The following ANKRD30B variants were observed in gnomAD, a reference collection of about 807,000 sequenced individuals.
ANKRD30B encodes the protein ankyrin repeat domain 30B, also known as ankyrin repeat domain-containing protein 30B.
In ANKRD30B, 144 loss-of-function variants were observed where a neutral mutation model predicts 202.2. That is an observed-to-expected ratio of 0.71 (90% CI 0.62 to 0.82). ANKRD30B has a LOEUF of 0.82. ANKRD30B is among the 40% of genes least tolerant of loss of function. The probability of loss-of-function intolerance (pLI) is 0.00; values close to 1 mark genes in which losing one functional copy is unlikely to be tolerated. For synonymous variants in ANKRD30B, 508 were observed against 561.3 expected (o/e 0.91, Z 1.34); for missense variants, 1,487 against 1,669.1 (o/e 0.89, Z 1.90).
intron 39 of ANKRD30B, among the ~76,000 whole-genome samples, chr18:14,847,093 T>TATATATATATATAG (rs1292553217): frequency 7.6e-6 from 1 of 131,408 alleles, no homozygotes; most frequent in African/African-American, 2.9e-5. Flanking sequence ...TATATATATA[T>TATATATATATATAG]GTATAATGTT....
chr18:14,815,394 C>T (rs1261887473), intron 30 of ANKRD30B, among the ~76,000 whole-genome samples: 1 of 151,698 alleles, frequency 6.6e-6, no homozygotes, highest in Non-Finnish European at 1.5e-5. Flanking sequence ...ATTCAGCCGA[C>T]TAGGGATTCT....
chr18:14,865,752 G>A, the ANKRD30B span, among the ~76,000 whole-genome samples: 10 of 151,280 alleles, frequency 6.6e-5, no homozygotes, highest in East Asian at 5.9e-4. Context: ...CTTTCCTACC[G>A]CTCCAGCCAC....
rs35573425 is a variant in ANKRD30B, at chr18:14,797,983, C to A, written c.2029+129C>A. 5.4e-3 allele frequency: 5,145 copies of A among 944,240 alleles called. 23 individuals carry two copies. Among genetic ancestry groups the A allele is most frequent in the Admixed American group, 0.01 (373 of 35,552 alleles). 58.5% of individuals were successfully genotyped at this position (944,240 alleles called of 1,614,324 possible). On this transcript the variant is annotated intron_variant, in intron 20 of 43. Transcript: ENST00000690538. ...TGGGAAAATTTGATACAAATAATGC[C>A]AATGTTAGTATTTATGTTTGAGAAA...
chr18:14,758,070 T>C (rs1914659429), intron 5 of ANKRD30B, 118 bp downstream of exon 5: 2 of 1,100,814 alleles, frequency 1.8e-6, no homozygotes, highest in Admixed American at 2.7e-5. Context: ...CCAGACTAGT[T>C]AGAAGGAGTA....
intron 26 of ANKRD30B, among the ~76,000 whole-genome samples, chr18:14,809,764 T>C (rs1242639409): frequency 6.6e-6 from 1 of 151,078 alleles, no homozygotes; most frequent in Non-Finnish European, 1.5e-5. Context: ...TGTTTTACAA[T>C]AATCAGGAGC....
chr18:14,768,734 GAC>G (rs1916640883), intron 7 of ANKRD30B, among the ~76,000 whole-genome samples: 1 of 152,168 alleles, frequency 6.6e-6, no homozygotes, highest in Admixed American at 6.6e-5. Flanking sequence ...GATAAAGAGA[GAC>G]TACTGTGTAC....
chr18:14,939,360 G>T, the ANKRD30B span, among the ~76,000 whole-genome samples: 2 of 152,192 alleles, frequency 1.3e-5, no homozygotes, highest in African/African-American at 4.8e-5. Context: ...TGATTCCCCA[G>T]TGGCTCAGGG....
At chr18:14,881,457 T>C in the ANKRD30B span, among the ~76,000 whole-genome samples, 1 of 152,196 alleles carries the variant, frequency 6.6e-6, no homozygotes, top group Non-Finnish European at 1.5e-5. Context: ...GGATTATCTT[T>C]TTGATATGTT....
chr18:14,855,404 C>T (rs902578820), downstream of ANKRD30B, among the ~76,000 whole-genome samples: 1 of 152,344 alleles, frequency 6.6e-6, no homozygotes, highest in South Asian at 2.1e-4. Context: ...TGGTCCGTTC[C>T]CGATGGTGGC....
At chr18:14,805,116 A>G (rs544833400) in intron 24 of ANKRD30B, among the ~76,000 whole-genome samples, 1 of 150,718 alleles carries the variant, frequency 6.6e-6, no homozygotes, top group Non-Finnish European at 1.5e-5. Flanking sequence ...TGAATAAGAC[A>G]TACTAGAATG....
rs771700618 is a variant in ANKRD30B at position 14,851,896 on chromosome 18, C to T, written c.3952C>T (p.Gln1318Ter). 2.5e-6 allele frequency: 4 copies of T among 1,594,302 alleles called. No homozygotes were observed. The highest frequency in any genetic ancestry group is 1.7e-5 in the Admixed American group (1 of 57,288). ...TCAAAGTGTCACATCAAGAAAAAAC[C>T]AAGAACTTGCTTTCCACAGTGCAGG... is the stretch of plus-strand genomic sequence containing the variant. The part of the protein sequence containing the change: ...HDQSVTSRKN[Q>*]ELAFHSAGDA... Residue 1318 changes from glutamine to a stop codon, truncating the protein, a stop_gained, in exon 42 of 44, where the codon CAA becomes TAA. Transcript: ENST00000690538. LOFTEE classifies it high-confidence loss of function.
chr18:14,870,988 C>G, the ANKRD30B span, among the ~76,000 whole-genome samples: 1 of 144,150 alleles, frequency 6.9e-6, no homozygotes, highest in African/African-American at 2.6e-5. Context: ...CACACACTCT[C>G]ACCCGCCCAC....
Position 14,763,977 on chromosome 18 carries a change from A to C in ANKRD30B, c.1112A>C (p.Lys371Thr). 1 of 1,604,458 alleles carries C rather than the reference A, an allele frequency of 6.2e-7. No individual in the cohort carries two copies. Reference sequence around the variant, plus strand: ...TGGGAGGAAAAAGAAACATCTGTAAAGACTGAATGCGTGGCAGGAGTAACA... The same window carrying C: ...TGGGAGGAAAAAGAAACATCTGTAACGACTGAATGCGTGGCAGGAGTAACA... ...ITWEEKETSVKTECVAGVTPN... is the reference protein window; with the variant it reads ...ITWEEKETSVTTECVAGVTPN... Residue 371 changes from lysine (K) to threonine (T), a missense_variant, in exon 7 of 44, where the codon AAG becomes ACG. Coordinates refer to ENST00000690538, the MANE Select transcript of ANKRD30B (RefSeq NM_001367607.2).
At chr18:14,926,663 G>A in the ANKRD30B span, among the ~76,000 whole-genome samples, 1 of 152,104 alleles carries the variant, frequency 6.6e-6, no homozygotes, top group African/African-American at 2.4e-5. Context: ...ATAAAAATTA[G>A]AAGCATAAAA....
the ANKRD30B span, among the ~76,000 whole-genome samples, chr18:14,878,146 T>C: frequency 6.6e-6 from 1 of 152,194 alleles, no homozygotes; most frequent in Non-Finnish European, 1.5e-5. Flanking sequence ...TCGTGTGCTG[T>C]GCTTTTGAAA....
rs529583771 is a variant in ANKRD30B, at chr18:14,758,706, G to A, written c.755+754G>A. Among the ~76,000 whole-genome samples the A allele has an allele frequency of 5.9e-5, 9 of 152,166 alleles. 1 individual carries two copies. In the South Asian group the frequency reaches 1.2e-3, roughly 21 times the overall value. On this transcript the variant is annotated intron_variant, in intron 5 of 43. Coordinates refer to ENST00000690538, the MANE Select transcript of ANKRD30B (RefSeq NM_001367607.2). ...TGATGTGAAACCCACATCTTAGCCC[G>A]GACTTGGCCTAGACCTTCATGATAA... is the stretch of plus-strand genomic sequence containing the variant.
chr18:14,845,491 G>A (rs1360172891), intron 39 of ANKRD30B, among the ~76,000 whole-genome samples: 3 of 151,432 alleles, frequency 2.0e-5, no homozygotes, highest in Non-Finnish European at 4.4e-5. Context: ...TTAAGTATCT[G>A]TAGAATCTAA....
chr18:14,923,798 A>G, the ANKRD30B span, among the ~76,000 whole-genome samples: 289 of 152,300 alleles, frequency 1.9e-3, no homozygotes, highest in African/African-American at 6.6e-3. Context: ...CTCTTTCCTT[A>G]CTTTCTTCCA....
chr18:14,755,371 C>G (rs1373285184), intron 4 of ANKRD30B, among the ~76,000 whole-genome samples: 1 of 149,972 alleles, frequency 6.7e-6, no homozygotes, highest in South Asian at 2.1e-4. Flanking sequence ...TTTCTAACTT[C>G]TCTTTTTTAT....
Sources: allele counts gnomAD v4.1 joint callset (sites outside exome capture counted in the v4.1 genomes callset), GRCh38; gene constraint gnomAD v4.1.1; transcripts MANE v1.5; gene names NCBI Gene and HGNC (gene_info 2026-07-23, HGNC 2026-07-21).